The following TERF1 variants were observed in gnomAD, a reference collection of about 807,000 sequenced individuals.
TERF1 encodes the protein telomeric repeat-binding factor 1.
In TERF1, 20 loss-of-function variants were observed where a neutral mutation model predicts 55.1. That is an observed-to-expected ratio of 0.36 (90% confidence interval 0.26 to 0.53). The LOEUF is 0.53. Ranked by LOEUF, TERF1 falls within the 20% of genes least tolerant of loss-of-function variation. TERF1 has a pLI of 0.91. For missense variants in TERF1, 439 were observed against 535.7 expected, an observed-to-expected ratio of 0.82 and a Z score of 1.78; for synonymous variants, 168 against 181.2, an observed-to-expected ratio of 0.93 and a Z score of 0.59.
rs146097641 is a variant in TERF1 at position 73,040,899 on chromosome 8, G to A, written c.1143+1680G>A. ...TAATCTGCTTATGAGCCCATCAGAGGCATTGTTCATTTCTGTTACCATGTT... is the reference window on the plus strand; with the variant it reads ...TAATCTGCTTATGAGCCCATCAGAGACATTGTTCATTTCTGTTACCATGTT... On this transcript the variant is annotated intron_variant, in intron 9 of 9. Transcript: ENST00000276603. Among the ~76,000 whole-genome samples the A allele has an allele frequency of 1.6e-3, 242 of 152,182 alleles. 1 individual carries two copies. Among genetic ancestry groups the A allele is most frequent in the African/African-American group, 5.6e-3 (234 of 41,538 alleles).
At chr8:73,030,545 A>G in intron 7 of TERF1, 150 bp downstream of exon 7, 1 of 498,680 alleles carries the variant, frequency 2.0e-6, no homozygotes, top group Non-Finnish European at 3.4e-6. Flanking sequence ...CGACTCTGAG[A>G]CATCTTGAAA....
intron 1 of TERF1, chr8:73,009,770 G>C (rs994050267): frequency 6.5e-6 from 1 of 153,056 alleles, no homozygotes; most frequent in African/African-American, 2.4e-5. Context: ...GCAGTGAGTC[G>C]AGATCGTGCC....
At chr8:73,026,335 A>G (rs1000116440) in intron 5 of TERF1, among the ~76,000 whole-genome samples, 1 of 151,962 alleles carries the variant, frequency 6.6e-6, no homozygotes, top group African/African-American at 2.4e-5. Flanking sequence ...CCGTCTCTAC[A>G]AAAAAATTAC....
chr8:73,009,268 CG>C, intron 1 of TERF1, 63 bp downstream of exon 1: 1 of 1,536,984 alleles, frequency 6.5e-7, no homozygotes, highest in African/African-American at 1.4e-5. Flanking sequence ...CCGTGGTGCG[CG>C]GCAGAGGGCT....
Position 73,047,328 on chromosome 8 carries a change from GAATAGATCTTT to G in TERF1, c.*1193_*1203del, listed in dbSNP as rs1210918053. 6.6e-6 allele frequency: 1 copy of G among 151,962 alleles called. No homozygotes were observed. The highest frequency in any genetic ancestry group is 1.5e-5 in the Non-Finnish European group (1 of 67,998). The allele number at this position is 151,962 out of a possible 1,614,324, so 9.4% of individuals were successfully genotyped here. A position where few individuals can be genotyped will look rare whatever the true frequency, so the allele number is the denominator to read the frequency against. ...TTTAAACTTTGACAAAAATGGTTTT[GAATAGATCTTT>G]ATAACCTGATGCCATAAATACAAGA... On this transcript the variant is annotated 3_prime_UTR_variant, in exon 10 of 10. Transcript: ENST00000276603.
chr8:73,038,646 T>A, intron 8 of TERF1: 1 of 383,842 alleles, frequency 2.6e-6, no homozygotes, highest in Non-Finnish European at 3.6e-6. Context: ...GTAGATTCTC[T>A]TAGGTTTTCT....
chr8:73,037,703 AT>A (rs796472959), intron 8 of TERF1, among the ~76,000 whole-genome samples: 2,702 of 16,576 alleles, frequency 0.16, 250 homozygotes, highest in African/African-American at 0.34. Context: ...ATAGTATAAT[AT>A]TATATTATAT....
In TERF1 at chr8:73,039,184, G is replaced by A. The variant is rs771909875; in HGVS notation, c.1108G>A (p.Val370Ile). Residue 370 changes from valine to isoleucine, a missense_variant, in exon 9 of 10, where the codon GTA (valine) becomes ATA (isoleucine). Val to Ile is a conservative substitution (Grantham distance 29). Transcript: ENST00000276603. The stretch of plus-strand genomic sequence containing the variant: ...AATACCTGTTTCAAAGAGTCAGCCG[G>A]TAACTCCTGAAAAACATCGAGCTAG... Reference protein sequence around the residue: ...SRIPVSKSQPVTPEKHRARKR... With the variant: ...SRIPVSKSQPITPEKHRARKR... The A allele has an allele frequency of 3.1e-6, 5 of 1,605,896 alleles. No individual in the cohort carries two copies. In the Admixed American group the frequency reaches 5.1e-5, roughly 16 times the overall value.
chr8:73,013,705 A>G (rs1187953846), intron 1 of TERF1, 190 bp from the exon 2 acceptor site: 2 of 553,056 alleles, frequency 3.6e-6, no homozygotes, highest in East Asian at 3.5e-5. Flanking sequence ...TGTGAAAGTT[A>G]TATTTTGTAA....
intron 8 of TERF1, among the ~76,000 whole-genome samples, chr8:73,033,139 A>G (rs1173460714): frequency 6.6e-6 from 1 of 152,010 alleles, no homozygotes; most frequent in Non-Finnish European, 1.5e-5. Flanking sequence ...TGCCAGGCAA[A>G]TGATAGGCCT....
chr8:73,038,836 C>CT (rs1419802734), intron 8 of TERF1: 626 of 750,960 alleles, frequency 8.3e-4, no homozygotes, highest in Middle Eastern at 1.2e-3. Flanking sequence ...AATATTTTTC[C>CT]TTTTTTTTTA....
At chr8:73,019,710 A>G (rs1046342068) in intron 2 of TERF1, among the ~76,000 whole-genome samples, 2 of 152,128 alleles carry the variant, frequency 1.3e-5, no homozygotes, top group African/African-American at 2.4e-5. Flanking sequence ...CCCTTTGAAC[A>G]TCAAACTCCT....
chr8:73,020,757 G>A lies in TERF1; in HGVS notation c.489G>A (p.Lys163=), dbSNP rs957020665. 6.5e-7 allele frequency: 1 copy of A among 1,535,798 alleles called. No individual in the cohort carries two copies. Among genetic ancestry groups the A allele is most frequent in the Admixed American group, 1.7e-5 (1 of 58,600 alleles). Residue 163 remains lysine (K), a synonymous_variant, in exon 3 of 10, where the codon AAG becomes AAA. Transcript: ENST00000276603. ...TGATGATTTGGGGTTCAATTGAAAA[G>A]GAACATGACAAACTTCATGAAGAAA... ...SALMIWGSIE[K]EHDKLHEEIQ... is the part of the protein sequence containing the mutation.
At chr8:73,045,500 A>G (rs529707425) in intron 9 of TERF1, among the ~76,000 whole-genome samples, 18 of 152,324 alleles carry the variant, frequency 1.2e-4, no homozygotes, top group East Asian at 1.9e-4. Context: ...TTGAAAGTCT[A>G]TTTTAGACAA....
At chr8:73,034,951 A>G (rs1809449639) in intron 8 of TERF1, among the ~76,000 whole-genome samples, 1 of 152,206 alleles carries the variant, frequency 6.6e-6, no homozygotes, top group Non-Finnish European at 1.5e-5. Context: ...CTACCTCAGT[A>G]GAAGAATGTA....
intron 3 of TERF1, 21 bp downstream of exon 3, chr8:73,020,826 T>A: frequency 8.2e-7 from 1 of 1,215,740 alleles, no homozygotes. Flanking sequence ...ATTACTTTTA[T>A]GCTTATTATA....
At chr8:73,024,564 T>G (rs936209226) in intron 4 of TERF1, among the ~76,000 whole-genome samples, 2 of 152,194 alleles carry the variant, frequency 1.3e-5, no homozygotes. Context: ...TTTCTGAAAC[T>G]GGGTAATGGA....
At chr8:73,015,689 A>T (rs1432066509) in intron 2 of TERF1, among the ~76,000 whole-genome samples, 2 of 151,646 alleles carry the variant, frequency 1.3e-5, no homozygotes, top group Non-Finnish European at 2.9e-5. Flanking sequence ...TACAAAAAAA[A>T]ATAAAAATAA....
chr8:73,016,558 G>C (rs1329697417), intron 2 of TERF1, among the ~76,000 whole-genome samples: 1 of 151,388 alleles, frequency 6.6e-6, no homozygotes, highest in Non-Finnish European at 1.5e-5. Context: ...TCAGCCTCCT[G>C]AGTAGCTAGG....
Sources: allele counts gnomAD v4.1 joint callset (sites outside exome capture counted in the v4.1 genomes callset), GRCh38; gene constraint gnomAD v4.1.1; transcripts MANE v1.5; gene names NCBI Gene and HGNC (gene_info 2026-07-23, HGNC 2026-07-21).